The following RAPGEF5 variants were observed in gnomAD, a reference collection of about 807,000 sequenced individuals.
RAPGEF5 encodes the protein Rap guanine nucleotide exchange factor 5.
A neutral mutation model predicts 125.2 loss-of-function variants in RAPGEF5; 65 were observed. That is an observed-to-expected ratio of 0.52 (90% CI 0.43 to 0.64). RAPGEF5 has a LOEUF of 0.64. RAPGEF5 is among the 30% of genes least tolerant of loss of function. The pLI, the probability that RAPGEF5 is intolerant of heterozygous loss-of-function variation, is 0.00. For synonymous variants in RAPGEF5, 391 were observed against 385.9 expected, an observed-to-expected ratio of 1.01 and a Z score of -0.16; for missense variants, 958 against 1,048.1, an observed-to-expected ratio of 0.91 and a Z score of 1.19.
At chr7:22,168,099 A>G (rs1784228494) in intron 11 of RAPGEF5, among the ~76,000 whole-genome samples, 1 of 152,128 alleles carries the variant, frequency 6.6e-6, no homozygotes, top group Non-Finnish European at 1.5e-5. Context: ...TAGCTTGTGT[A>G]CTGTTGTTAT....
At chr7:22,356,062 G>A (rs1784414477) in intron 1 of RAPGEF5, 1 of 985,272 alleles carries the variant, frequency 1.0e-6, no homozygotes, top group Non-Finnish European at 1.2e-6. Context: ...CCTCCTAGGT[G>A]GCTTCTTAAA....
At chr7:22,196,892 A>G (rs752666611) in intron 9 of RAPGEF5, among the ~76,000 whole-genome samples, 119 of 152,354 alleles carry the variant, frequency 7.8e-4, no homozygotes, top group Non-Finnish European at 1.7e-3. Flanking sequence ...TGAATTATTT[A>G]AGCTTTGGTA....
chr7:22,142,878 G>A (rs111240901), intron 20 of RAPGEF5, among the ~76,000 whole-genome samples: 27 of 152,322 alleles, frequency 1.8e-4, no homozygotes, highest in African/African-American at 6.5e-4. Context: ...TTTTCCCTTG[G>A]TTATTCCTAC....
chr7:22,193,545 G>A lies in RAPGEF5; in HGVS notation c.1116-90C>T, dbSNP rs886548144. On this transcript the variant is annotated intron_variant, in intron 10 of 25. Transcript: ENST00000665637. Reference sequence around the variant, plus strand: ...CATCGTCCTCATCCTCCTCGTCGATGTATTTGAAATAAGGCACATCGAAGG... The same window carrying A: ...CATCGTCCTCATCCTCCTCGTCGATATATTTGAAATAAGGCACATCGAAGG... The A allele has an allele frequency of 3.9e-6, 6 of 1,551,942 alleles. No homozygotes were observed. The African/African-American group carries it at 8.2e-5, about 21-fold the overall frequency.
intron 6 of RAPGEF5, among the ~76,000 whole-genome samples, chr7:22,288,352 T>C (rs1470309531): frequency 6.6e-6 from 1 of 152,118 alleles, no homozygotes; most frequent in Non-Finnish European, 1.5e-5. Flanking sequence ...TTTCTGTTCT[T>C]ATCTCCTCAA....
chr7:22,336,406 C>T (rs900713066), intron 1 of RAPGEF5, among the ~76,000 whole-genome samples: 2 of 152,060 alleles, frequency 1.3e-5, no homozygotes, highest in African/African-American at 4.8e-5. Flanking sequence ...GAAGAAGGGT[C>T]CTTTATTCTG....
intron 6 of RAPGEF5, among the ~76,000 whole-genome samples, chr7:22,284,518 C>T (rs1429378552): frequency 6.6e-6 from 1 of 152,200 alleles, no homozygotes; most frequent in Non-Finnish European, 1.5e-5. Context: ...TCCCTCAAAA[C>T]TCAATCTGCC....
intron 5 of RAPGEF5, among the ~76,000 whole-genome samples, chr7:22,302,812 G>A (rs550262257): frequency 7.1e-6 from 1 of 140,956 alleles, no homozygotes; most frequent in East Asian, 2.1e-4. Flanking sequence ...CTGCAGGATG[G>A]CAGTTCATGT....
chr7:22,263,686 C>T lies in RAPGEF5; in HGVS notation c.796+3278G>A, dbSNP rs554544916. Among the ~76,000 whole-genome samples, 8 of 150,878 alleles carry T rather than the reference C, an allele frequency of 5.3e-5. 1 individual carries two copies. Among genetic ancestry groups the T allele is most frequent in the South Asian group, 4.2e-4 (2 of 4,774 alleles). ...CAGAGGTTGCAGTGAGCCGAAATTG[C>T]GCCACTGCACTCCATTCTGGGCGAC... On this transcript the variant is annotated intron_variant, in intron 7 of 25. Coordinates refer to ENST00000665637, the MANE Select transcript of RAPGEF5 (RefSeq NM_012294.5).
intron 9 of RAPGEF5, among the ~76,000 whole-genome samples, chr7:22,195,189 C>A (rs1413905916): frequency 6.6e-6 from 1 of 152,086 alleles, no homozygotes; most frequent in Non-Finnish European, 1.5e-5. Context: ...TCCCCACCCC[C>A]AACAGAGAAA....
intron 1 of RAPGEF5, among the ~76,000 whole-genome samples, chr7:22,329,402 A>G (rs1783872079): frequency 6.6e-6 from 1 of 152,214 alleles, no homozygotes; most frequent in African/African-American, 2.4e-5. Context: ...TATGAATTAC[A>G]GAGGAAGGCA....
At chr7:22,175,271 T>C (rs1256501940) in intron 11 of RAPGEF5, among the ~76,000 whole-genome samples, 2 of 152,168 alleles carry the variant, frequency 1.3e-5, no homozygotes, top group African/African-American at 2.4e-5. Flanking sequence ...CCTGGTTTGA[T>C]GACCTTAGAG....
chr7:22,158,694 C>T (rs192953628), intron 14 of RAPGEF5, among the ~76,000 whole-genome samples: 1 of 23,504 alleles, frequency 4.3e-5, no homozygotes, highest in East Asian at 1.6e-3. Context: ...GGCGTGATCA[C>T]TCTTCACTGC....
At chr7:22,294,168 T>C (rs1782998232) in intron 5 of RAPGEF5, among the ~76,000 whole-genome samples, 1 of 152,010 alleles carries the variant, frequency 6.6e-6, no homozygotes, top group Non-Finnish European at 1.5e-5. Flanking sequence ...AGTTTGTCAG[T>C]GATTAGAGAA....
Position 22,253,694 on chromosome 7 carries a change from A to C in RAPGEF5, c.796+13270T>G, listed in dbSNP as rs138561988. On this transcript the variant is annotated intron_variant, in intron 7 of 25. Coordinates refer to ENST00000665637, the MANE Select transcript of RAPGEF5 (RefSeq NM_012294.5). ...AGATAACTTAAATTTCTTCCAAAAA[A>C]ATTAAACACATATTATCAGAAAGGT... Among the ~76,000 whole-genome samples, 467 of 152,320 alleles carry C rather than the reference A, an allele frequency of 3.1e-3. 4 individuals carry two copies. Among genetic ancestry groups the C allele is most frequent in the Middle Eastern group, 0.01 (3 of 294 alleles).
At chr7:22,271,775 C>A (rs1052501177) in intron 6 of RAPGEF5, among the ~76,000 whole-genome samples, 1 of 152,160 alleles carries the variant, frequency 6.6e-6, no homozygotes, top group African/African-American at 2.4e-5. Flanking sequence ...CTTGGATAAC[C>A]AACATGGCTG....
At chr7:22,292,967 C>A (rs1380331438) in intron 5 of RAPGEF5, among the ~76,000 whole-genome samples, 1 of 152,246 alleles carries the variant, frequency 6.6e-6, no homozygotes, top group Non-Finnish European at 1.5e-5. Flanking sequence ...TGAGCTGCTG[C>A]TGTTTTAGTG....
intron 5 of RAPGEF5, among the ~76,000 whole-genome samples, chr7:22,305,379 T>C (rs1783312567): frequency 6.6e-6 from 1 of 152,210 alleles, no homozygotes; most frequent in African/African-American, 2.4e-5. Context: ...TTCAGTATTG[T>C]CATTTAACAG....
At chr7:22,304,506 G>C (rs1783287131) in intron 5 of RAPGEF5, among the ~76,000 whole-genome samples, 1 of 152,226 alleles carries the variant, frequency 6.6e-6, no homozygotes, top group African/African-American at 2.4e-5. Context: ...AATTAGAGTA[G>C]ACCCAAGGTT....
Sources: gnomAD v4.1 joint callset for allele counts (sites outside exome capture counted in the v4.1 genomes callset) on GRCh38, gnomAD v4.1.1 for gene constraint, MANE v1.5 for transcripts, NCBI Gene and HGNC (gene_info 2026-07-23, HGNC 2026-07-21) for gene names.